Variants in TBPL2 observed in about 807,000 individuals in gnomAD.
The protein encoded by TBPL2 is TATA-box binding protein like 2.
TBPL2 carries 40 observed loss-of-function variants against 38.2 expected under a neutral mutation model. The ratio of observed to expected loss-of-function variants is 1.05; its 90% CI spans 0.81 to 1.36. The LOEUF is 1.36. TBPL2 is among the 40% of genes most tolerant of loss of function. The pLI, the probability that TBPL2 is intolerant of heterozygous loss-of-function variation, is 0.00. For synonymous variants in TBPL2, 169 were observed against 171.7 expected, an observed-to-expected ratio of 0.98 and a Z score of 0.12; for missense variants, 461 against 456.7, an observed-to-expected ratio of 1.01 and a Z score of -0.09.
intron 1 of TBPL2, among the ~76,000 whole-genome samples, chr14:55,439,605 G>GAA (rs1486866844): frequency 1.5e-5 from 1 of 66,110 alleles, no homozygotes; most frequent in Non-Finnish European, 2.8e-5. Flanking sequence ...AGCCTGGGGA[G>GAA]AAAAGCAAAC....
chr14:55,422,758 C>T (rs1303356899), intron 6 of TBPL2, among the ~76,000 whole-genome samples: 1 of 152,094 alleles, frequency 6.6e-6, no homozygotes, highest in Non-Finnish European at 1.5e-5. Flanking sequence ...GAGGCCGAGG[C>T]AGGAGAATCA....
chr14:55,428,936 C>T (rs535815795), exon 5 of TBPL2: 12 of 1,614,156 alleles, frequency 7.4e-6, no homozygotes, highest in South Asian at 3.3e-5. Flanking sequence ...CTGCACCACA[C>T]GAGCATATTT....
exon 5 of TBPL2, chr14:55,428,960 C>A (rs769939725): frequency 1.9e-6 from 3 of 1,614,036 alleles, no homozygotes; most frequent in Non-Finnish European, 2.5e-6. Context: ...TGCTGCAAGT[C>A]GAGACTGCTC....
intron 6 of TBPL2, among the ~76,000 whole-genome samples, chr14:55,414,957 G>A (rs1486508475): frequency 6.6e-6 from 1 of 152,058 alleles, no homozygotes; most frequent in East Asian, 1.9e-4. Context: ...ATTATTAGAG[G>A]GGAAAACTGT....
At position 55,440,572 on chromosome 14, in the gene TBPL2, G is replaced by C. The variant is rs189736107; in HGVS notation, c.-27C>G. ...TATGAGCCTGGGGGCAGCGAGGCGG[G>C]GCGGCCCTCGGCCCAGGTTCCTGCA... On this transcript the variant is annotated 5_prime_UTR_variant, in exon 1 of 7. Coordinates refer to ENST00000247219, the Ensembl canonical transcript of TBPL2. The C allele has an allele frequency of 1.1e-3, 1,763 of 1,562,222 alleles. 20 individuals are homozygous for C. The African/African-American group carries it at 0.022, about 19-fold the overall frequency.
intron 6 of TBPL2, among the ~76,000 whole-genome samples, chr14:55,418,512 A>T (rs1374440593): frequency 6.6e-6 from 1 of 152,194 alleles, no homozygotes; most frequent in Non-Finnish European, 1.5e-5. Context: ...TCATTTTATG[A>T]CATATACCAA....
chr14:55,439,422 T>G (rs1360722277), intron 1 of TBPL2, among the ~76,000 whole-genome samples: 2 of 152,036 alleles, frequency 1.3e-5, no homozygotes, highest in African/African-American at 4.8e-5. Context: ...CTGTTTCCCC[T>G]GTCAAAGCAG....
rs564786404 is a variant in TBPL2, at chr14:55,436,480, T to C, written c.608+81A>G. ...TCTGAAATTCTCTTCCCTACTATTATCCTGAAATTAGTTGTCATCGCATTC... is the reference window on the plus strand; with the variant it reads ...TCTGAAATTCTCTTCCCTACTATTACCCTGAAATTAGTTGTCATCGCATTC... On this transcript the variant is annotated intron_variant, in intron 2 of 6. Transcript: ENST00000247219. 3.6e-5 allele frequency: 43 copies of C among 1,210,786 alleles called. 1 individual carries two copies. The South Asian group carries it at 5.7e-4, about 16-fold the overall frequency. The allele number at this position is 1,210,786 out of a possible 1,614,324, so 75.0% of individuals were successfully genotyped here.
intron 4 of TBPL2, 124 bp downstream of exon 4, chr14:55,433,506 T>G: frequency 1.1e-6 from 1 of 889,124 alleles, no homozygotes; most frequent in Non-Finnish European, 1.8e-6. Flanking sequence ...TTTCATTGAA[T>G]AAAGTCTTCA....
intron 4 of TBPL2, 45 bp from the exon 5 acceptor site, chr14:55,429,019 C>T (rs1339490647): frequency 6.2e-7 from 1 of 1,600,472 alleles, no homozygotes; most frequent in Non-Finnish European, 8.5e-7. Context: ...ATCGCTACAT[C>T]CTCTCAACTA....
chr14:55,432,307 A>G (rs12878237), intron 4 of TBPL2, among the ~76,000 whole-genome samples: 1 of 151,740 alleles, frequency 6.6e-6, no homozygotes, highest in East Asian at 1.9e-4. Context: ...CAGCTACTTA[A>G]GAGGCCGAGC....
intron 1 of TBPL2, among the ~76,000 whole-genome samples, chr14:55,439,618 C>CCCCCCCCCCCCCCT (rs1555344751): frequency 1.7e-5 from 1 of 60,240 alleles, no homozygotes; most frequent in Non-Finnish European, 3.2e-5. Flanking sequence ...AAGCAAACCC[C>CCCCCCCCCCCCCCT]CCCCCGTCTC....
chr14:55,431,405 T>TTAC (rs1439039821), intron 4 of TBPL2, among the ~76,000 whole-genome samples: 3 of 152,216 alleles, frequency 2.0e-5, no homozygotes, highest in East Asian at 3.8e-4. Flanking sequence ...ATTTAGCTGC[T>TTAC]TACTTCTCCC....
chr14:55,424,391 A>G, intron 5 of TBPL2, 138 bp from the exon 6 acceptor site: 2 of 566,460 alleles, frequency 3.5e-6, no homozygotes, highest in Non-Finnish European at 6.3e-6. Context: ...CTTTTTAACT[A>G]TCTTGATGAA....
exon 1 of TBPL2, chr14:55,440,520 C>G: frequency 6.2e-7 from 1 of 1,609,708 alleles, no homozygotes; most frequent in East Asian, 2.2e-5. Context: ...CCTCGGAACC[C>G]GCTCCGGCCA....
intron 5 of TBPL2, among the ~76,000 whole-genome samples, chr14:55,427,309 C>T (rs1021956677): frequency 6.6e-6 from 1 of 151,904 alleles, no homozygotes; most frequent in African/African-American, 2.4e-5. Flanking sequence ...AAAAAGAAAA[C>T]ATAATCAAGA....
chr14:55,436,986 G>A, exon 2 of TBPL2: 2 of 1,614,168 alleles, frequency 1.2e-6, no homozygotes, highest in Non-Finnish European at 1.7e-6. Flanking sequence ...CAACTGGGCT[G>A]AACAGGGGAG....
In TBPL2 at chr14:55,420,821, T is replaced by A. The variant is rs951121653; in HGVS notation, c.1051+3338A>T. ...ACTCCTGTAATCCCAGCACTTTGGG[T>A]GGCCGAGGCGGGTGGATCACGAGGT... On this transcript the variant is annotated intron_variant, in intron 6 of 6. Coordinates refer to ENST00000247219, the Ensembl canonical transcript of TBPL2. 5.3e-5 allele frequency among the ~76,000 whole-genome samples: 8 copies of A among 151,882 alleles called. No individual in the cohort carries two copies. In the East Asian group the frequency reaches 1.2e-3, roughly 22 times the overall value.
At chr14:55,432,738 T>C (rs1170864284) in intron 4 of TBPL2, among the ~76,000 whole-genome samples, 3 of 152,154 alleles carry the variant, frequency 2.0e-5, no homozygotes, top group South Asian at 2.1e-4. Context: ...GAGCGAGAAA[T>C]TGGCACAACT....
Sources: gnomAD v4.1 joint callset for allele counts (sites outside exome capture counted in the v4.1 genomes callset) on GRCh38, gnomAD v4.1.1 for gene constraint, MANE v1.5 for transcripts, NCBI Gene and HGNC (gene_info 2026-07-23, HGNC 2026-07-21) for gene names.